SLC52A2: variants seen among roughly 807,000 people sequenced by gnomAD.
SLC52A2 encodes solute carrier family 52 member 2, also known as solute carrier family 52, riboflavin transporter, member 2.
A neutral mutation model predicts 24.8 loss-of-function variants in SLC52A2; 16 were observed. The observed-to-expected ratio is 0.64, with a 90% CI of 0.44 to 0.98. The LOEUF (loss-of-function observed/expected upper bound fraction) is 0.98. Among genes scored for constraint, SLC52A2 ranks in the 50% least tolerant of loss-of-function variants. The pLI, the probability that SLC52A2 is intolerant of heterozygous loss-of-function variation, is 0.00. For missense variants in SLC52A2, 612 were observed against 575.9 expected (o/e 1.06, Z -0.64); for synonymous variants, 335 against 276.3 (o/e 1.21, Z -2.11).
At chr8:144,360,531 C>T in intron 3 of SLC52A2, 38 bp downstream of exon 3, 1 of 1,582,176 alleles carries the variant, frequency 6.3e-7, no homozygotes, top group South Asian at 1.1e-5. Flanking sequence ...GGGTGGAACT[C>T]AGGGCTAGGA....
Position 144,359,018 on chromosome 8 carries a change from C to G in SLC52A2, c.-158C>G. ...TCGGCCTCCTCCCCTGGGGCCGCAG[C>G]GACTCGGGCCGGCTTCCTGCTTCCC... On this transcript the variant is annotated 5_prime_UTR_variant, in exon 1 of 5. Coordinates refer to ENST00000643944, the MANE Select transcript of SLC52A2 (RefSeq NM_001363118.2). 1 of 404,656 alleles carries G rather than the reference C, an allele frequency of 2.5e-6. No individual in the cohort carries two copies. Among genetic ancestry groups the G allele is most frequent in the Non-Finnish European group, 4.4e-6 (1 of 226,592 alleles). The allele number at this position is 404,656 out of a possible 1,614,324, so 25.1% of individuals were successfully genotyped here.
rs1194067511 is a variant in SLC52A2 at position 144,359,212 on chromosome 8, G to A, written c.-82G>A. 9.8e-6 allele frequency: 15 copies of A among 1,529,340 alleles called. No homozygotes were observed. Among genetic ancestry groups the A allele is most frequent in the Non-Finnish European group, 1.3e-5 (15 of 1,141,930 alleles). 94.7% of individuals were successfully genotyped at this position (1,529,340 alleles called of 1,614,324 possible). On this transcript the variant is annotated 5_prime_UTR_variant, in exon 2 of 5. Coordinates refer to ENST00000643944, the MANE Select transcript of SLC52A2 (RefSeq NM_001363118.2). The stretch of plus-strand genomic sequence containing the variant: ...GAAGAAGTCTTCACTTCCCAGGAGA[G>A]CCAAAGCGTGTCTGGCCCTAGGTGG...
In SLC52A2 at chr8:144,360,627, G is replaced by T. The variant is rs145502954; in HGVS notation, c.1039G>T (p.Val347Leu). The stretch of plus-strand genomic sequence containing the variant: ...GCTGGGCGGCCTCTCTCTGCTGGGC[G>T]TGTTCTGTGGGGGCTACCTGATGGC... Reference protein sequence around the residue: ...AGLGGLSLLGVFCGGYLMALA... With the variant: ...AGLGGLSLLGLFCGGYLMALA... Residue 347 changes from valine to leucine, a missense_variant, in exon 4 of 5, where the codon GTG becomes TTG. By Grantham distance (32) the Val-to-Leu change is conservative (BLOSUM62 1). Coordinates refer to ENST00000643944, the MANE Select transcript of SLC52A2 (RefSeq NM_001363118.2). 1.2e-6 allele frequency: 2 copies of T among 1,604,112 alleles called. No homozygotes were observed. The highest frequency in any genetic ancestry group is 3.3e-5 in the Admixed American group (2 of 59,980).
rs782762994 is a variant in SLC52A2 at position 144,360,080 on chromosome 8, C to T, written c.588C>T (p.Phe196=). The T allele has an allele frequency of 2.5e-6, 4 of 1,613,016 alleles. No individual in the cohort carries two copies. In the East Asian group the frequency reaches 6.7e-5, roughly 27 times the overall value. ...DFLERFPAST[F]FWALTALLVA... is the part of the protein sequence containing the mutation. The stretch of plus-strand genomic sequence containing the variant: ...TTGAGCGTTTTCCCGCCAGCACCTT[C>T]TTCTGGGCACTGACTGCCCTTCTGG... Residue 196 remains phenylalanine, a synonymous_variant, in exon 3 of 5, where the codon TTC becomes TTT. Transcript: ENST00000643944.
Position 144,359,219 on chromosome 8 carries a change from C to G in SLC52A2, c.-75C>G, listed in dbSNP as rs782611721. 6 of 1,530,572 alleles carry G rather than the reference C, an allele frequency of 3.9e-6. No individual in the cohort carries two copies. The highest frequency in any genetic ancestry group is 5.3e-6 in the Non-Finnish European group (6 of 1,141,310). 94.8% of individuals were successfully genotyped at this position (1,530,572 alleles called of 1,614,324 possible). ...TCTTCACTTCCCAGGAGAGCCAAAGCGTGTCTGGCCCTAGGTGGGAAAAGA... is the reference window on the plus strand; with the variant it reads ...TCTTCACTTCCCAGGAGAGCCAAAGGGTGTCTGGCCCTAGGTGGGAAAAGA... On this transcript the variant is annotated 5_prime_UTR_variant, in exon 2 of 5. Coordinates refer to ENST00000643944, the MANE Select transcript of SLC52A2 (RefSeq NM_001363118.2).
Position 144,359,177 on chromosome 8 carries a change from T to TCTG in SLC52A2, c.-110-7_-110-6insCTG. ...TGCATCCTATCTGTTTCTCTGTTTC[T>TCTG]TTCAAGCTAGAAGAAGTCTTCACTT... On this transcript the variant is annotated splice_region_variant and splice_polypyrimidine_tract_variant and intron_variant, in intron 1 of 4. Coordinates refer to ENST00000643944, the MANE Select transcript of SLC52A2 (RefSeq NM_001363118.2). The TCTG allele has an allele frequency of 6.8e-7, 1 of 1,462,768 alleles. No homozygotes were observed. The allele number at this position is 1,462,768 out of a possible 1,614,324, so 90.6% of individuals were successfully genotyped here.
At position 144,361,245 on chromosome 8, in the gene SLC52A2, G is replaced by T. The variant is rs1214058544; in HGVS notation, c.*230G>T. On this transcript the variant is annotated 3_prime_UTR_variant, in exon 5 of 5. Coordinates refer to ENST00000643944, the MANE Select transcript of SLC52A2 (RefSeq NM_001363118.2). ...CCCCTGAGCCTGGGACCTACATGTGGTTTGCGTAATAAAACATTTGTATTT... is the reference window on the plus strand; with the variant it reads ...CCCCTGAGCCTGGGACCTACATGTGTTTTGCGTAATAAAACATTTGTATTT... 3.6e-6 allele frequency: 2 copies of T among 552,668 alleles called. No individual in the cohort carries two copies. Among genetic ancestry groups the T allele is most frequent in the Non-Finnish European group, 6.4e-6 (2 of 310,940 alleles). The allele number at this position is 552,668 out of a possible 1,614,324, so 34.2% of individuals were successfully genotyped here.
chr8:144,359,265 T>G lies in SLC52A2; in HGVS notation c.-29T>G, dbSNP rs1554853718. The G allele has an allele frequency of 6.3e-7, 1 of 1,595,688 alleles. No individual in the cohort carries two copies. The highest frequency in any genetic ancestry group is 1.1e-5 in the South Asian group (1 of 88,264). ...AAAGAACTGGCTGTGACCTTTGCCC[T>G]GACCTGGAAGGGCCCAGCCTTGGGC... is the stretch of plus-strand genomic sequence containing the variant. On this transcript the variant is annotated 5_prime_UTR_variant, in exon 2 of 5. Coordinates refer to ENST00000643944, the MANE Select transcript of SLC52A2 (RefSeq NM_001363118.2).
In SLC52A2 at chr8:144,359,291, T is replaced by G. The variant is rs544536277; in HGVS notation, c.-3T>G. 8.1e-6 allele frequency: 13 copies of G among 1,610,698 alleles called. No homozygotes were observed. The South Asian group carries it at 1.3e-4, about 16-fold the overall frequency. On this transcript the variant is annotated 5_prime_UTR_variant, in exon 2 of 5. Transcript: ENST00000643944. ...GACCTGGAAGGGCCCAGCCTTGGGC[T>G]GAATGGCAGCACCCACGCCCGCCCG...
intron 4 of SLC52A2, 27 bp from the exon 5 acceptor site, chr8:144,360,776 G>T: frequency 6.2e-7 from 1 of 1,608,900 alleles, no homozygotes; most frequent in Non-Finnish European, 8.5e-7. Flanking sequence ...CACATCTCAC[G>T]CTCAGCTGGT....
intron 2 of SLC52A2, 67 bp from the exon 3 acceptor site, chr8:144,359,556 G>T: frequency 6.2e-7 from 1 of 1,603,994 alleles, no homozygotes; most frequent in Non-Finnish European, 8.5e-7. Context: ...GCCCAGGAAG[G>T]TGGGCTTTGG....
chr8:144,359,556 G>A lies in SLC52A2; in HGVS notation c.131-67G>A, dbSNP rs1586552429. On this transcript the variant is annotated intron_variant, in intron 2 of 4. Coordinates refer to ENST00000643944, the MANE Select transcript of SLC52A2 (RefSeq NM_001363118.2). ...AGGAGGTGCAGGTGTGCCCAGGAAG[G>A]TGGGCTTTGGCACTCTTCCTCCCTT... 1.9e-6 allele frequency: 3 copies of A among 1,603,994 alleles called. No individual in the cohort carries two copies. The South Asian group carries it at 3.4e-5, about 18-fold the overall frequency.
At position 144,360,745 on chromosome 8, in the gene SLC52A2, G is replaced by A. The variant is rs554151285; in HGVS notation, c.1125+32G>A. 6.3e-5 allele frequency: 101 copies of A among 1,604,046 alleles called. 1 individual carries two copies. In the South Asian group the frequency reaches 1.0e-3, roughly 16 times the overall value. ...ACAGGGGGACATGAAGTGGGGTGGG[G>A]GGGCGTTGCCCTGGAGCAGGCACAT... On this transcript the variant is annotated intron_variant, in intron 4 of 4. Transcript: ENST00000643944.
In SLC52A2 at chr8:144,359,284, C is replaced by T. The variant is rs782308633; in HGVS notation, c.-10C>T. The T allele has an allele frequency of 2.5e-6, 4 of 1,609,222 alleles. No homozygotes were observed. The South Asian group carries it at 4.4e-5, about 18-fold the overall frequency. The stretch of plus-strand genomic sequence containing the variant: ...TTGCCCTGACCTGGAAGGGCCCAGC[C>T]TTGGGCTGAATGGCAGCACCCACGC... On this transcript the variant is annotated 5_prime_UTR_variant, in exon 2 of 5. Coordinates refer to ENST00000643944, the MANE Select transcript of SLC52A2 (RefSeq NM_001363118.2).
In SLC52A2 at chr8:144,360,170, A is replaced by G. The variant is rs1177006652; in HGVS notation, c.678A>G (p.Thr226=). 6.2e-7 allele frequency: 1 copy of G among 1,612,816 alleles called. No homozygotes were observed. Among genetic ancestry groups the G allele is most frequent in the African/African-American group, 1.3e-5 (1 of 75,048 alleles). The stretch of plus-strand genomic sequence containing the variant: ...TGCCGCCACCACCATCTGTACCCAC[A>G]GGGGAGTTAGGATCAGGCCTCCAGG... ...LLLPPPPSVP[T]GELGSGLQVG... Residue 226 remains threonine, a synonymous_variant, in exon 3 of 5, where the codon ACA becomes ACG. Transcript: ENST00000643944.
chr8:144,359,483 GGGTGGAGCTACCTGT>G, intron 2 of SLC52A2, 60 bp downstream of exon 2: 1 of 1,613,744 alleles, frequency 6.2e-7, no homozygotes, highest in East Asian at 2.2e-5. Flanking sequence ...AGTGGGATCT[GGGTGGAGCTACCTGT>G]GGTGGTCAGA....
At chr8:144,359,560 G>A in intron 2 of SLC52A2, 63 bp from the exon 3 acceptor site, 1 of 1,603,204 alleles carries the variant, frequency 6.2e-7, no homozygotes, top group Non-Finnish European at 8.5e-7. Flanking sequence ...AGGAAGGTGG[G>A]CTTTGGCACT....
In SLC52A2 at chr8:144,359,359, C is replaced by G; in HGVS notation, c.66C>G (p.Gly22=). 1 of 1,614,068 alleles carries G rather than the reference C, an allele frequency of 6.2e-7. No homozygotes were observed. The highest frequency in any genetic ancestry group is 1.3e-5 in the African/African-American group (1 of 75,070). ...TGCTGGTGGCTCTCTTCGGCATGGG[C>G]TCCTGGGCTGCGGTCAATGGGATCT... The part of the protein sequence containing the change: ...THLLVALFGM[G]SWAAVNGIWV... The change falls in exon 2 of 5, where the codon GGC becomes GGG. Residue 22 remains glycine (G), a synonymous_variant. Coordinates refer to ENST00000643944, the MANE Select transcript of SLC52A2 (RefSeq NM_001363118.2).
Position 144,360,027 on chromosome 8 carries a change from G to A in SLC52A2, c.535G>A (p.Gly179Ser), listed in dbSNP as rs151081625. 9.7e-5 allele frequency: 157 copies of A among 1,612,838 alleles called. No homozygotes were observed. The African/African-American group carries it at 1.8e-3, about 18-fold the overall frequency. ...CGAGTGCCCGCCAGCCCCCATCAAC[G>A]GCACCCCTGGCCCCCCGCTCGACTT... is the stretch of plus-strand genomic sequence containing the variant. ...RLECPPAPIN[G>S]TPGPPLDFLE... The change falls in exon 3 of 5, where the codon GGC (glycine) becomes AGC (serine). Residue 179 changes from glycine (G) to serine (S), a missense_variant. Physicochemically the swap from Gly to Ser is moderately conservative, Grantham distance 56. Transcript: ENST00000643944.
Sources: allele counts gnomAD v4.1 joint callset, GRCh38; gene constraint gnomAD v4.1.1; transcripts MANE v1.5; gene names NCBI Gene and HGNC (gene_info 2026-07-23, HGNC 2026-07-21).